Variants in ESCO2 observed in about 807,000 individuals in gnomAD.
The protein encoded by ESCO2 is N-acetyltransferase ESCO2.
In ESCO2, 51 loss-of-function variants were observed where a neutral mutation model predicts 61.7. The ratio of observed to expected loss-of-function variants is 0.83; its 90% CI spans 0.66 to 1.04. ESCO2 has a LOEUF of 1.04. Ranked by LOEUF, ESCO2 falls within the 50% of genes least tolerant of loss-of-function variation. The pLI, the probability that ESCO2 is intolerant of heterozygous loss-of-function variation, is 0.00. For missense variants in ESCO2, 692 were observed against 686.2 expected, an observed-to-expected ratio of 1.01 and a Z score of -0.09; for synonymous variants, 230 against 238.2, an observed-to-expected ratio of 0.97 and a Z score of 0.32.
intron 8 of ESCO2, 65 bp downstream of exon 8, chr8:27,792,117 G>A (rs1805190433): frequency 5.4e-6 from 8 of 1,481,272 alleles, no homozygotes; most frequent in Non-Finnish European, 7.5e-6. Flanking sequence ...CTATGTTGAA[G>A]TGCAAACTGC....
downstream of ESCO2, chr8:27,810,879 T>C (rs1009744965): frequency 5.3e-6 from 5 of 947,168 alleles, no homozygotes; most frequent in Non-Finnish European, 8.1e-6. Context: ...TACTAATACA[T>C]ATCTTAGAAA....
chr8:27,819,254 A>G, the ESCO2 span, among the ~76,000 whole-genome samples: 1 of 152,160 alleles, frequency 6.6e-6, no homozygotes, highest in Non-Finnish European at 1.5e-5. Context: ...TGTAGAATTT[A>G]TAGGCTATCA....
chr8:27,810,455 T>A, downstream of ESCO2: 1 of 1,608,040 alleles, frequency 6.2e-7, no homozygotes, highest in Non-Finnish European at 8.5e-7. Flanking sequence ...TTCCCAACGC[T>A]GCATAGTATG....
At chr8:27,801,382 T>C (rs1261767034) in intron 10 of ESCO2, among the ~76,000 whole-genome samples, 1 of 152,166 alleles carries the variant, frequency 6.6e-6, no homozygotes, top group Non-Finnish European at 1.5e-5. Context: ...TATGCCACTT[T>C]TAAAAAATAA....
At chr8:27,817,107 A>G (rs1805832810), downstream of ESCO2, among the ~76,000 whole-genome samples, 1 of 152,126 alleles carries the variant, frequency 6.6e-6, no homozygotes, top group South Asian at 2.1e-4. Context: ...AAGAATTGCT[A>G]TTGCTAACTA....
rs531856741 is a variant in ESCO2 at position 27,777,933 on chromosome 8, C to G, written c.861+764C>G. On this transcript the variant is annotated intron_variant, in intron 3 of 10. Transcript: ENST00000305188. ...ATCATTGCCTTCCTCACTAGTTTCT[C>G]TCAAATTCAACCCCAGTCCATATCT... is the stretch of plus-strand genomic sequence containing the variant. 5.3e-5 allele frequency: 8 copies of G among 151,062 alleles called. No homozygotes were observed. The East Asian group carries it at 6.0e-4, about 11-fold the overall frequency. The allele number at this position is 151,062 out of a possible 1,614,324, so 9.4% of individuals were successfully genotyped here. A position where few individuals can be genotyped will look rare whatever the true frequency, so the allele number is the denominator to read the frequency against.
At chr8:27,805,936 C>T (rs1382262257), downstream of ESCO2, among the ~76,000 whole-genome samples, 1 of 152,110 alleles carries the variant, frequency 6.6e-6, no homozygotes, top group Non-Finnish European at 1.5e-5. Flanking sequence ...CCAGCCAGAT[C>T]TTGCTTACTA....
Position 27,781,740 on chromosome 8 carries a change from T to TG in ESCO2, c.955+1477dup, listed in dbSNP as rs540137250. On this transcript the variant is annotated intron_variant, in intron 4 of 10. Coordinates refer to ENST00000305188, the MANE Select transcript of ESCO2 (RefSeq NM_001017420.3). ...CATGCCCGGCTAATTTTTGTTAAGA[T>TG]GGGGTTTCACCATGTTGGCCATGCT... is the stretch of plus-strand genomic sequence containing the variant. Among the ~76,000 whole-genome samples, 708 of 152,082 alleles carry TG rather than the reference T, an allele frequency of 4.7e-3. 7 individuals are homozygous for TG. Among genetic ancestry groups the TG allele is most frequent in the African/African-American group, 0.016 (681 of 41,478 alleles).
At chr8:27,813,658 T>G (rs889526997), downstream of ESCO2, among the ~76,000 whole-genome samples, 5 of 150,994 alleles carry the variant, frequency 3.3e-5, no homozygotes, top group South Asian at 6.3e-4. Context: ...CAAGATCTAC[T>G]CTCAGCAAAT....
chr8:27,794,844 C>G (rs1805259388), intron 9 of ESCO2, among the ~76,000 whole-genome samples: 1 of 152,030 alleles, frequency 6.6e-6, no homozygotes, highest in South Asian at 2.1e-4. Context: ...TGTCCTTGCC[C>G]CATTGTTTGT....
chr8:27,799,473 A>T, intron 9 of ESCO2, 68 bp from the exon 10 acceptor site: 5 of 1,514,118 alleles, frequency 3.3e-6, no homozygotes, highest in East Asian at 2.3e-5. Flanking sequence ...TATTTAAGGA[A>T]TTTTTTTTTA....
chr8:27,780,398 A>G (rs1804900516), intron 4 of ESCO2, 131 bp downstream of exon 4: 1 of 663,446 alleles, frequency 1.5e-6, no homozygotes, highest in South Asian at 1.8e-5. Flanking sequence ...ATCTTTGTTT[A>G]TCTCTGTGAC....
downstream of ESCO2, chr8:27,810,624 A>G: frequency 1.6e-6 from 1 of 626,506 alleles, no homozygotes; most frequent in Non-Finnish European, 2.8e-6. Context: ...TCTGCCACAG[A>G]CAGAATGGAA....
At chr8:27,799,810 G>T in intron 10 of ESCO2, 94 bp downstream of exon 10, 7 of 1,391,262 alleles carry the variant, frequency 5.0e-6, no homozygotes, top group Non-Finnish European at 7.1e-6. Context: ...ATATTGGTAA[G>T]ATACTTCAGT....
chr8:27,785,652 A>G (rs1399577892), intron 5 of ESCO2, among the ~76,000 whole-genome samples: 1 of 150,166 alleles, frequency 6.7e-6, no homozygotes, highest in Non-Finnish European at 1.5e-5. Context: ...GTGAGCCAAG[A>G]TGGTGCCACT....
At position 27,776,498 on chromosome 8, in the gene ESCO2, G is replaced by A. The variant is rs1023761118; in HGVS notation, c.190G>A (p.Glu64Lys). 1 of 1,613,714 alleles carries A rather than the reference G, an allele frequency of 6.2e-7. No homozygotes were observed. Among genetic ancestry groups the A allele is most frequent in the South Asian group, 1.1e-5 (1 of 90,890 alleles). Residue 64 changes from glutamate (E) to lysine (K), a missense_variant, in exon 3 of 11, where the codon GAA (glutamate) becomes AAA (lysine). Coordinates refer to ENST00000305188, the MANE Select transcript of ESCO2 (RefSeq NM_001017420.3). ...HFVLSALKTT[E>K]INRLPSANQG... Reference sequence around the variant, plus strand: ...TGTTTTAAGTGCGCTCAAAACAACTGAAATAAATAGACTGCCATCAGCAAA... The same window carrying A: ...TGTTTTAAGTGCGCTCAAAACAACTAAAATAAATAGACTGCCATCAGCAAA...
downstream of ESCO2, among the ~76,000 whole-genome samples, chr8:27,806,288 C>CT (rs1805561876): frequency 2.6e-5 from 4 of 152,074 alleles, no homozygotes; most frequent in Admixed American, 1.3e-4. Context: ...AGGCATTCTA[C>CT]TGGGGGTCTT....
In ESCO2 at chr8:27,804,420, T is replaced by C. The variant is rs886062872; in HGVS notation, c.*982T>C. On this transcript the variant is annotated 3_prime_UTR_variant, in exon 11 of 11. Coordinates refer to ENST00000305188, the MANE Select transcript of ESCO2 (RefSeq NM_001017420.3). ...AAAATGCACCTTACTTGTTCTGAGATACCTGGCAAAAGTCTTTACAAAATG... is the reference window on the plus strand; with the variant it reads ...AAAATGCACCTTACTTGTTCTGAGACACCTGGCAAAAGTCTTTACAAAATG... The C allele has an allele frequency of 2.0e-6, 2 of 985,430 alleles. No individual in the cohort carries two copies. The highest frequency in any genetic ancestry group is 2.4e-6 in the Non-Finnish European group (2 of 829,916). The allele number at this position is 985,430 out of a possible 1,614,324, so 61.0% of individuals were successfully genotyped here.
At position 27,803,610 on chromosome 8, in the gene ESCO2, G is replaced by C. The variant is rs539459940; in HGVS notation, c.*172G>C. The C allele has an allele frequency of 5.2e-4, 723 of 1,378,298 alleles. No homozygotes were observed. Among genetic ancestry groups the C allele is most frequent in the Non-Finnish European group, 6.5e-4 (696 of 1,073,284 alleles). The allele number at this position is 1,378,298 out of a possible 1,614,324, so 85.4% of individuals were successfully genotyped here. A position where few individuals can be genotyped will look rare whatever the true frequency, so the allele number is the denominator to read the frequency against. The stretch of plus-strand genomic sequence containing the variant: ...AGTTTTGTTCCTTATGAGTTGAAAA[G>C]TCAGGAATAAATTTGTTGAAAATTA... On this transcript the variant is annotated 3_prime_UTR_variant, in exon 11 of 11. Coordinates refer to ENST00000305188, the MANE Select transcript of ESCO2 (RefSeq NM_001017420.3).
Sources: gnomAD v4.1 joint callset for allele counts (sites outside exome capture counted in the v4.1 genomes callset) on GRCh38, gnomAD v4.1.1 for gene constraint, MANE v1.5 for transcripts, NCBI Gene and HGNC (gene_info 2026-07-23, HGNC 2026-07-21) for gene names.